The following HSPA4 variants were observed in gnomAD, a reference collection of about 807,000 sequenced individuals.
The protein encoded by HSPA4 is heat shock protein family A (Hsp70) member 4.
Under a neutral mutation model 106.2 loss-of-function variants are expected in HSPA4, and 25 were observed. The observed-to-expected ratio is 0.24, with a 90% CI of 0.17 to 0.33. The LOEUF (loss-of-function observed/expected upper bound fraction) is 0.33, where lower values mean the gene tolerates loss of function less well. Ranked by LOEUF, HSPA4 falls within the 10% of genes least tolerant of loss-of-function variation. The pLI is 1.00. For missense variants in HSPA4, 841 were observed against 996.0 expected (o/e 0.84, Z 2.10); for synonymous variants, 332 against 333.6 (o/e 1.00, Z 0.05).
chr5:133,101,649 T>A (rs1179750933), intron 16 of HSPA4, 110 bp from the exon 17 acceptor site: 2 of 994,988 alleles, frequency 2.0e-6, no homozygotes, highest in Admixed American at 2.6e-5. Flanking sequence ...TATATTTAAC[T>A]TCTTATATAT....
intron 7 of HSPA4, among the ~76,000 whole-genome samples, chr5:133,084,669 C>A (rs1204807393): frequency 6.6e-6 from 1 of 151,834 alleles, no homozygotes; most frequent in Non-Finnish European, 1.5e-5. Context: ...GGGCTTTCTC[C>A]ATGTTGGTCA....
intron 4 of HSPA4, among the ~76,000 whole-genome samples, chr5:133,070,871 C>T (rs575093481): frequency 3.3e-4 from 50 of 152,174 alleles, no homozygotes; most frequent in African/African-American, 1.1e-3. Context: ...CATTGCACTT[C>T]GGCCTGGGTG....
chr5:133,075,175 T>C (rs1258857647), intron 6 of HSPA4, among the ~76,000 whole-genome samples: 1 of 152,260 alleles, frequency 6.6e-6, no homozygotes, highest in Non-Finnish European at 1.5e-5. Context: ...GTCTTTTAGA[T>C]AATTGGGAAA....
chr5:133,052,270 A>G lies in HSPA4; in HGVS notation c.20A>G (p.Asp7Gly). 1 of 1,594,498 alleles carries G rather than the reference A, an allele frequency of 6.3e-7. No individual in the cohort carries two copies. Among genetic ancestry groups the G allele is most frequent in the Middle Eastern group, 1.7e-4 (1 of 5,912 alleles). The part of the protein sequence containing the change: MSVVGI[D>G]LGFQSCYVAV... Reference sequence around the variant, plus strand: ...GGCGCCATGTCGGTGGTGGGCATAGACCTGGGCTTCCAGAGCTGCTACGTC... The same window carrying G: ...GGCGCCATGTCGGTGGTGGGCATAGGCCTGGGCTTCCAGAGCTGCTACGTC... The change falls in exon 1 of 19, where the codon GAC (aspartate) becomes GGC (glycine). Residue 7 changes from aspartate (D) to glycine (G), a missense_variant. Asp to Gly is a moderately conservative substitution (Grantham distance 94). Coordinates refer to ENST00000304858, the MANE Select transcript of HSPA4 (RefSeq NM_002154.4).
intron 15 of HSPA4, among the ~76,000 whole-genome samples, chr5:133,097,571 A>C (rs1213578612): frequency 1.4e-5 from 2 of 138,628 alleles, no homozygotes; most frequent in Non-Finnish European, 3.1e-5. Flanking sequence ...TTTTTGAGAC[A>C]GAGTTTTGCT....
intron 7 of HSPA4, among the ~76,000 whole-genome samples, chr5:133,078,342 A>G (rs1765470963): frequency 6.6e-6 from 1 of 150,424 alleles, no homozygotes; most frequent in Non-Finnish European, 1.5e-5. Flanking sequence ...AAGAAAAAAA[A>G]AAAATAGTTG....
chr5:133,092,033 A>T (rs1469850858), intron 12 of HSPA4, among the ~76,000 whole-genome samples: 1 of 152,084 alleles, frequency 6.6e-6, no homozygotes, highest in Non-Finnish European at 1.5e-5. Flanking sequence ...TATGTGTCAG[A>T]GTGTGACCCT....
intron 4 of HSPA4, among the ~76,000 whole-genome samples, chr5:133,072,230 A>G (rs1224960239): frequency 6.6e-6 from 1 of 152,118 alleles, no homozygotes; most frequent in East Asian, 1.9e-4. Context: ...GAAGGGATAC[A>G]AAGCAAAATC....
chr5:133,067,489 G>C lies in HSPA4; in HGVS notation c.238G>C (p.Val80Leu). 6.2e-7 allele frequency: 1 copy of C among 1,613,844 alleles called. No individual in the cohort carries two copies. The highest frequency in any genetic ancestry group is 8.5e-7 in the Non-Finnish European group (1 of 1,179,722). ...TGGCCGAGCATTCTCTGATCCATTT[G>C]TGGAGGCAGAAAAATCTAACCTTGC... ...FHGRAFSDPF[V>L]EAEKSNLAYD... The change falls in exon 3 of 19, where the codon GTG (valine) becomes CTG (leucine). Residue 80 changes from valine to leucine, a missense_variant. Transcript: ENST00000304858.
intron 6 of HSPA4, 41 bp downstream of exon 6, chr5:133,074,167 G>T: frequency 7.3e-7 from 1 of 1,371,206 alleles, no homozygotes; most frequent in Admixed American, 2.3e-5. Flanking sequence ...TTAGTAGTAT[G>T]GTAATTATGA....
At chr5:133,102,533 A>G (rs1765800483) in intron 17 of HSPA4, among the ~76,000 whole-genome samples, 1 of 152,166 alleles carries the variant, frequency 6.6e-6, no homozygotes, top group African/African-American at 2.4e-5. Flanking sequence ...ACATTTATAG[A>G]TAAATTCCAA....
chr5:133,053,328 C>CTTTTTTTTTTTTT lies in HSPA4; in HGVS notation c.107+978_107+990dup, dbSNP rs58722769. 4.6e-5 allele frequency among the ~76,000 whole-genome samples: 6 copies of CTTTTTTTTTTTTT among 129,244 alleles called. 1 individual carries two copies. The highest frequency in any genetic ancestry group is 6.4e-5 in the Non-Finnish European group (4 of 62,666). The allele number at this position is 129,244 out of a possible 152,430, so 84.8% of individuals were successfully genotyped here. On this transcript the variant is annotated intron_variant, in intron 1 of 18. Coordinates refer to ENST00000304858, the MANE Select transcript of HSPA4 (RefSeq NM_002154.4). ...TTATTTGCCATTCAGGGTCTCTCTT[C>CTTTTTTTTTTTTT]TTTTTTTTTTTTTTTTTTTCTTTTT...
intron 17 of HSPA4, among the ~76,000 whole-genome samples, 185 bp from the exon 18 acceptor site, chr5:133,103,680 T>C (rs1034579405): frequency 6.6e-6 from 1 of 152,220 alleles, no homozygotes; most frequent in East Asian, 1.9e-4. Flanking sequence ...TTTAAATCTA[T>C]CCTGAGTGTA....
Position 133,073,015 on chromosome 5 carries a change from G to A in HSPA4, c.430-215G>A, listed in dbSNP as rs149981111. On this transcript the variant is annotated intron_variant, in intron 4 of 18. Transcript: ENST00000304858. Reference sequence around the variant, plus strand: ...TCACTACTTCAGCTGTTGGTATTTTGGTCTGCCATGTAATGAGTATATGTA... The same window carrying A: ...TCACTACTTCAGCTGTTGGTATTTTAGTCTGCCATGTAATGAGTATATGTA... 2.6e-5 allele frequency among the ~76,000 whole-genome samples: 4 copies of A among 152,216 alleles called. No individual in the cohort carries two copies. The East Asian group carries it at 5.8e-4, about 22-fold the overall frequency.
intron 11 of HSPA4, among the ~76,000 whole-genome samples, chr5:133,090,720 T>A (rs952850686): frequency 1.3e-5 from 2 of 152,126 alleles, no homozygotes; most frequent in Non-Finnish European, 2.9e-5. Flanking sequence ...AAACCAGGAA[T>A]AACAATGATA....
intron 1 of HSPA4, among the ~76,000 whole-genome samples, chr5:133,062,700 A>C (rs1335287349): frequency 1.3e-5 from 2 of 152,280 alleles, no homozygotes; most frequent in Admixed American, 6.5e-5. Context: ...TTCTAGGCCC[A>C]AAAGCTTAGG....
Position 133,089,715 on chromosome 5 carries a change from T to C in HSPA4, c.1378+20T>C. 1 of 1,471,896 alleles carries C rather than the reference T, an allele frequency of 6.8e-7. No homozygotes were observed. Among genetic ancestry groups the C allele is most frequent in the Non-Finnish European group, 9.0e-7 (1 of 1,110,836 alleles). 91.2% of individuals were successfully genotyped at this position (1,471,896 alleles called of 1,614,324 possible). ...CTATAGGTAAGTAAAGAGTTGGAAA[T>C]TAAAAAAGAAAAAAAAAAAAAAGCA... is the stretch of plus-strand genomic sequence containing the variant. On this transcript the variant is annotated intron_variant, in intron 11 of 18. Transcript: ENST00000304858.
intron 1 of HSPA4, among the ~76,000 whole-genome samples, chr5:133,054,244 C>T (rs1450953617): frequency 1.3e-5 from 2 of 152,026 alleles, no homozygotes; most frequent in Non-Finnish European, 2.9e-5. Context: ...ACTCTGTTCC[C>T]TACGCTGGAG....
intron 12 of HSPA4, among the ~76,000 whole-genome samples, chr5:133,091,648 A>G (rs1189326146): frequency 2.6e-5 from 4 of 152,204 alleles, no homozygotes; most frequent in Non-Finnish European, 5.9e-5. Flanking sequence ...GAGTGCTCTG[A>G]GTCTCAGTTA....
Sources: allele counts gnomAD v4.1 joint callset (sites outside exome capture counted in the v4.1 genomes callset), GRCh38; gene constraint gnomAD v4.1.1; transcripts MANE v1.5; gene names NCBI Gene and HGNC (gene_info 2026-07-23, HGNC 2026-07-21).